The following ANKRD31 variants were observed in gnomAD, a reference collection of about 807,000 sequenced individuals.
ANKRD31 encodes ankyrin repeat domain-containing protein 31.
A neutral mutation model predicts 186.0 loss-of-function variants in ANKRD31; 147 were observed. That is an observed-to-expected ratio of 0.79 (90% CI 0.69 to 0.91). The LOEUF (loss-of-function observed/expected upper bound fraction) is 0.91. Ranked by LOEUF, ANKRD31 falls within the 40% of genes least tolerant of loss-of-function variation. The pLI is 0.00. For synonymous variants in ANKRD31, 673 were observed against 736.4 expected, an observed-to-expected ratio of 0.91 and a Z score of 1.39; for missense variants, 1,986 against 2,148.8, an observed-to-expected ratio of 0.92 and a Z score of 1.50.
rs527239006 is a variant in ANKRD31 at position 75,191,631 on chromosome 5, A to G, written c.1408+1036T>C. On this transcript the variant is annotated intron_variant, in intron 9 of 25. Coordinates refer to ENST00000506364, the MANE Select transcript of ANKRD31 (RefSeq NM_001372053.1). Reference sequence around the variant, plus strand: ...TTGATGAGATCTCATGCATTTCTAGAATAATTTAGGGATAACCTTCTTACA... The same window carrying G: ...TTGATGAGATCTCATGCATTTCTAGGATAATTTAGGGATAACCTTCTTACA... Among the ~76,000 whole-genome samples the G allele has an allele frequency of 5.3e-5, 8 of 152,200 alleles. No individual in the cohort carries two copies. In the South Asian group the frequency reaches 1.5e-3, roughly 28 times the overall value.
intron 2 of ANKRD31, among the ~76,000 whole-genome samples, chr5:75,223,790 A>C (rs2150310742): frequency 6.6e-6 from 1 of 152,242 alleles, no homozygotes; most frequent in East Asian, 1.9e-4. Context: ...AGTTGGGTTT[A>C]GATGAGGTAT....
intron 12 of ANKRD31, among the ~76,000 whole-genome samples, chr5:75,151,419 G>T (rs1168390434): frequency 6.6e-6 from 1 of 151,918 alleles, no homozygotes; most frequent in African/African-American, 2.4e-5. Flanking sequence ...CATGGGGGCA[G>T]GTTTTTCTCA....
intron 20 of ANKRD31, among the ~76,000 whole-genome samples, chr5:75,109,786 G>C (rs1354339264): frequency 6.6e-6 from 1 of 151,982 alleles, no homozygotes; most frequent in Non-Finnish European, 1.5e-5. Flanking sequence ...TGCCTATGAG[G>C]GCTTCCATCT....
chr5:75,230,852 T>C (rs1387702986), intron 1 of ANKRD31, among the ~76,000 whole-genome samples: 1 of 152,238 alleles, frequency 6.6e-6, no homozygotes, highest in East Asian at 1.9e-4. Flanking sequence ...TTTACAAATA[T>C]TCTGTTATTA....
chr5:75,209,247 T>C (rs1040258231), intron 4 of ANKRD31, among the ~76,000 whole-genome samples: 2 of 152,086 alleles, frequency 1.3e-5, no homozygotes, highest in African/African-American at 4.8e-5. Context: ...ATGCACTGAG[T>C]TATGTATGTT....
intron 10 of ANKRD31, among the ~76,000 whole-genome samples, chr5:75,171,432 A>G (rs944900821): frequency 6.6e-6 from 1 of 151,924 alleles, no homozygotes; most frequent in African/African-American, 2.4e-5. Flanking sequence ...AATGAAAATA[A>G]AACATATAAA....
intron 20 of ANKRD31, among the ~76,000 whole-genome samples, chr5:75,109,785 G>A (rs749292718): frequency 2.6e-5 from 4 of 152,016 alleles, no homozygotes; most frequent in African/African-American, 4.8e-5. Context: ...CTGCCTATGA[G>A]GGCTTCCATC....
chr5:75,232,050 C>T (rs769475187), intron 1 of ANKRD31, among the ~76,000 whole-genome samples: 1 of 152,166 alleles, frequency 6.6e-6, no homozygotes, highest in Non-Finnish European at 1.5e-5. Context: ...TGAGTACAGG[C>T]TCCTGCTATA....
intron 10 of ANKRD31, among the ~76,000 whole-genome samples, chr5:75,176,744 A>G (rs1245529008): frequency 6.6e-6 from 1 of 152,240 alleles, no homozygotes; most frequent in Non-Finnish European, 1.5e-5. Flanking sequence ...CGTCACCATC[A>G]TCAAAGACAA....
Position 75,107,634 on chromosome 5 carries a change from A to G in ANKRD31, c.4244-17T>C. 2 of 1,450,802 alleles carry G rather than the reference A, an allele frequency of 1.4e-6. No homozygotes were observed. Among genetic ancestry groups the G allele is most frequent in the Non-Finnish European group, 1.8e-6 (2 of 1,087,106 alleles). The allele number at this position is 1,450,802 out of a possible 1,614,324, so 89.9% of individuals were successfully genotyped here. On this transcript the variant is annotated splice_polypyrimidine_tract_variant and intron_variant, in intron 20 of 25. Transcript: ENST00000506364. ...TGTATTGTTCTAGAAACATGACAAT[A>G]AAAAGTTAGCTAACTGAGGGAGAGT...
intron 9 of ANKRD31, among the ~76,000 whole-genome samples, chr5:75,191,917 A>C (rs1405292539): frequency 6.6e-6 from 1 of 152,116 alleles, no homozygotes; most frequent in Non-Finnish European, 1.5e-5. Flanking sequence ...CTTTTGAAAT[A>C]ATCTCAGACT....
chr5:75,171,655 A>G (rs113141390), intron 10 of ANKRD31, among the ~76,000 whole-genome samples: 275 of 151,874 alleles, frequency 1.8e-3, no homozygotes, highest in African/African-American at 5.7e-3. Flanking sequence ...AGAGCCATAA[A>G]TCGATTCTTG....
intron 17 of ANKRD31, among the ~76,000 whole-genome samples, chr5:75,129,765 T>A (rs1396901932): frequency 6.6e-6 from 1 of 152,160 alleles, no homozygotes; most frequent in Non-Finnish European, 1.5e-5. Flanking sequence ...AGGTACCAGG[T>A]TCATCTCACT....
chr5:75,131,493 G>C (rs1365321490), intron 17 of ANKRD31, among the ~76,000 whole-genome samples: 1 of 152,210 alleles, frequency 6.6e-6, no homozygotes, highest in Non-Finnish European at 1.5e-5. Flanking sequence ...GGCTTGAGAA[G>C]GTAAACAAAG....
chr5:75,156,701 A>G (rs977354061), intron 11 of ANKRD31, among the ~76,000 whole-genome samples: 1 of 152,198 alleles, frequency 6.6e-6, no homozygotes, highest in African/African-American at 2.4e-5. Flanking sequence ...CACAGAGGAA[A>G]AGCTGAGGTA....
chr5:75,132,728 G>C (rs1289342192), intron 17 of ANKRD31, among the ~76,000 whole-genome samples: 1 of 152,132 alleles, frequency 6.6e-6, no homozygotes, highest in East Asian at 1.9e-4. Flanking sequence ...ATTCACCAAA[G>C]TTGAAATGAA....
At chr5:75,227,583 A>C (rs1017159612) in intron 2 of ANKRD31, among the ~76,000 whole-genome samples, 1 of 152,144 alleles carries the variant, frequency 6.6e-6, no homozygotes. Context: ...AAAGAAAGAA[A>C]ACCTGCTACT....
intron 11 of ANKRD31, among the ~76,000 whole-genome samples, chr5:75,167,043 C>CG (rs1191922614): frequency 6.6e-6 from 1 of 151,582 alleles, no homozygotes; most frequent in African/African-American, 2.4e-5. Flanking sequence ...ATTTTCATTC[C>CG]CCCTAAAAGA....
chr5:75,129,132 T>G (rs1164952800), intron 17 of ANKRD31, among the ~76,000 whole-genome samples: 1 of 152,094 alleles, frequency 6.6e-6, no homozygotes, highest in African/African-American at 2.4e-5. Flanking sequence ...CCTCACAAGA[T>G]CTGGTGGTTT....
Sources: allele counts gnomAD v4.1 joint callset (sites outside exome capture counted in the v4.1 genomes callset), GRCh38; gene constraint gnomAD v4.1.1; transcripts MANE v1.5; gene names NCBI Gene and HGNC (gene_info 2026-07-23, HGNC 2026-07-21).